Variants in HMCN1 observed in about 807,000 individuals in gnomAD.
The protein encoded by HMCN1 is hemicentin 1, also known as hemicentin-1.
In HMCN1, 321 loss-of-function variants were observed where a neutral mutation model predicts 625.9. The observed-to-expected ratio is 0.51, with a 90% confidence interval of 0.47 to 0.56. The LOEUF (loss-of-function observed/expected upper bound fraction) is 0.56. Among genes scored for constraint, HMCN1 ranks in the 20% least tolerant of loss-of-function variants. The pLI is 0.00. For missense variants in HMCN1, 6,588 were observed against 6,887.3 expected, an observed-to-expected ratio of 0.96 and a Z score of 1.54; for synonymous variants, 2,425 against 2,417.6, an observed-to-expected ratio of 1.00 and a Z score of -0.09.
intron 1 of HMCN1, among the ~76,000 whole-genome samples, chr1:185,753,725 T>A (rs1445900158): frequency 1.3e-5 from 2 of 152,186 alleles, no homozygotes; most frequent in Non-Finnish European, 2.9e-5. Context: ...AAGAATGAGA[T>A]ATCAACTTAC....
At chr1:185,779,290 G>A (rs1240739764) in intron 1 of HMCN1, among the ~76,000 whole-genome samples, 2 of 152,166 alleles carry the variant, frequency 1.3e-5, no homozygotes, top group Non-Finnish European at 2.9e-5. Context: ...CTCCCATTCT[G>A]TAGGTTGCCT....
At chr1:186,029,398 T>G (rs1019594404) in intron 36 of HMCN1, among the ~76,000 whole-genome samples, 4 of 152,186 alleles carry the variant, frequency 2.6e-5, no homozygotes, top group Non-Finnish European at 5.9e-5. Context: ...ATCACACATA[T>G]AATTCACATA....
At chr1:185,971,605 A>G (rs1650839359) in intron 15 of HMCN1, among the ~76,000 whole-genome samples, 2 of 152,220 alleles carry the variant, frequency 1.3e-5, no homozygotes, top group African/African-American at 4.8e-5. Flanking sequence ...CAAAAGTTAG[A>G]ACTGTAAAGA....
rs774426967 is a variant in HMCN1 at position 186,145,866 on chromosome 1, C to T, written c.14551C>T (p.Arg4851Cys). ...CDHPVPVKGG[R>C]PCPGDTTQVT... ...CCATCCTGTGCCAGTTAAAGGTGGC[C>T]GTCCCTGTCCCGGAGACACTACTCA... Residue 4851 changes from arginine (R) to cysteine (C), a missense_variant, in exon 93 of 107, where the codon CGT becomes TGT. Coordinates refer to ENST00000271588, the MANE Select transcript of HMCN1 (RefSeq NM_031935.3). 24 of 1,613,822 alleles carry T rather than the reference C, an allele frequency of 1.5e-5. No homozygotes were observed. The East Asian group carries it at 2.2e-4, about 15-fold the overall frequency.
intron 42 of HMCN1, among the ~76,000 whole-genome samples, chr1:186,050,076 T>G (rs541212657): frequency 5.3e-4 from 81 of 151,664 alleles, no homozygotes; most frequent in African/African-American, 1.8e-3. Context: ...TATTTATATC[T>G]AGTTCATTTA....
At chr1:185,913,682 G>A (rs1429410560) in intron 6 of HMCN1, among the ~76,000 whole-genome samples, 1 of 152,062 alleles carries the variant, frequency 6.6e-6, no homozygotes, top group South Asian at 2.1e-4. Context: ...ATTTGGACTG[G>A]TACCAGTGGT....
At chr1:186,049,950 C>T (rs1656837229) in intron 42 of HMCN1, among the ~76,000 whole-genome samples, 1 of 151,748 alleles carries the variant, frequency 6.6e-6, no homozygotes, top group Admixed American at 6.6e-5. Flanking sequence ...AATTTATATT[C>T]ATTACATACT....
chr1:185,804,978 G>A (rs1659070976), intron 1 of HMCN1, among the ~76,000 whole-genome samples: 1 of 152,068 alleles, frequency 6.6e-6, no homozygotes, highest in Non-Finnish European at 1.5e-5. Flanking sequence ...TAATAGTTTG[G>A]TTAGAAAAAT....
rs1661009692 is a variant in HMCN1, at chr1:186,114,000, GC to G, written c.11158del (p.Gln3720ArgfsTer4). 6.2e-7 allele frequency: 1 copy of G among 1,614,076 alleles called. No individual in the cohort carries two copies. Among genetic ancestry groups the G allele is most frequent in the Non-Finnish European group, 8.5e-7 (1 of 1,179,978 alleles). On this transcript the variant is annotated frameshift_variant, in exon 73 of 107. Transcript: ENST00000271588. LOFTEE classifies it high-confidence loss of function. ...TVNVPPNIKGGPQSLVILLNK... is the reference protein window; with the variant it reads ...TVNVPPNIKGXPQSLVILLNK... ...TCAGTTCCTCCAAACATAAAGGGGGGCCCCCAGAGCCTTGTAATTCTTTTAA... is the reference window on the plus strand; with the variant it reads ...TCAGTTCCTCCAAACATAAAGGGGGGCCCCAGAGCCTTGTAATTCTTTTAA...
At chr1:185,795,685 C>T (rs1160733618) in intron 1 of HMCN1, among the ~76,000 whole-genome samples, 1 of 152,174 alleles carries the variant, frequency 6.6e-6, no homozygotes, top group African/African-American at 2.4e-5. Flanking sequence ...TTTCTAACCT[C>T]CGGAATGCTA....
intron 14 of HMCN1, among the ~76,000 whole-genome samples, chr1:185,969,983 A>C (rs1650695917): frequency 6.6e-6 from 1 of 152,210 alleles, no homozygotes; most frequent in Admixed American, 6.5e-5. Context: ...TGAGTAACCA[A>C]ATGCATCCTG....
chr1:186,112,566 C>A (rs1302300873), intron 71 of HMCN1, among the ~76,000 whole-genome samples: 1 of 152,146 alleles, frequency 6.6e-6, no homozygotes, highest in Non-Finnish European at 1.5e-5. Context: ...GAGTCACCTG[C>A]CCATTCTTGA....
intron 4 of HMCN1, among the ~76,000 whole-genome samples, chr1:185,898,023 C>G (rs961007237): frequency 6.6e-6 from 1 of 152,090 alleles, no homozygotes; most frequent in Non-Finnish European, 1.5e-5. Flanking sequence ...AATAGCAAAA[C>G]TGAATTTTTT....
rs1049279757 is a variant in HMCN1 at position 186,151,622 on chromosome 1, G to T, written c.14775G>T (p.Lys4925Asn). Residue 4925 changes from lysine to asparagine, a missense_variant, in exon 95 of 107, where the codon AAG becomes AAT. By Grantham distance (94) the Lys-to-Asn change is moderately conservative. Around this residue, in one of 3 missense-constraint regions of HMCN1, gnomAD observed 1,954 missense variants for 2,013.1 expected, o/e 0.97. Coordinates refer to ENST00000271588, the MANE Select transcript of HMCN1 (RefSeq NM_031935.3). ...VPRSLGSAMR[K>N]IVSILNPIYW... ...TTTCTTTAGGTTCAGCAATGAGAAA[G>T]ATAGTTTCTATTCTAAATCCCATTT... 10 of 1,612,534 alleles carry T rather than the reference G, an allele frequency of 6.2e-6. No homozygotes were observed. The highest frequency in any genetic ancestry group is 8.5e-6 in the Non-Finnish European group (10 of 1,179,008).
At chr1:185,931,531 AG>A (rs1667548629) in intron 10 of HMCN1, among the ~76,000 whole-genome samples, 2 of 151,714 alleles carry the variant, frequency 1.3e-5, no homozygotes, top group Non-Finnish European at 2.9e-5. Flanking sequence ...GTTAGTAGAA[AG>A]TTGGCATGTA....
At chr1:185,843,160 C>T (rs989369569) in intron 1 of HMCN1, among the ~76,000 whole-genome samples, 4 of 152,168 alleles carry the variant, frequency 2.6e-5, no homozygotes, top group South Asian at 2.1e-4. Flanking sequence ...AACTGAATAA[C>T]GTAGGAATGA....
At chr1:186,124,359 G>C (rs1167877127) in intron 81 of HMCN1, among the ~76,000 whole-genome samples, 1 of 151,934 alleles carries the variant, frequency 6.6e-6, no homozygotes, top group Non-Finnish European at 1.5e-5. Flanking sequence ...TACAGTGTGT[G>C]CTCAAAGCTA....
At chr1:186,087,869 G>A (rs976024488) in intron 60 of HMCN1, 63 bp from the exon 61 acceptor site, 94 of 1,429,922 alleles carry the variant, frequency 6.6e-5, no homozygotes, top group South Asian at 4.0e-4. Flanking sequence ...ATCTAAACTC[G>A]AACAGTATGA....
Position 186,103,655 on chromosome 1 carries a change from T to G in HMCN1, c.10757T>G (p.Ile3586Ser), listed in dbSNP as rs1430331837. ...CTAGGAGGAGGAGAGGTTCTTCGAA[T>G]TTCTACTGCTCAGGTAAGTGTCAAA... is the stretch of plus-strand genomic sequence containing the variant. ...QTLGGGEVLR[I>S]STAQVEDTGR... The change falls in exon 69 of 107, where the codon ATT becomes AGT. Residue 3586 changes from isoleucine (I) to serine (S), a missense_variant. Physicochemically the swap from Ile to Ser is moderately radical, Grantham distance 142. This residue lies in a region of HMCN1 where 4,628 missense variants were observed against 4,853.1 expected (regional missense o/e 0.95). Coordinates refer to ENST00000271588, the MANE Select transcript of HMCN1 (RefSeq NM_031935.3). 4.3e-5 allele frequency: 70 copies of G among 1,613,642 alleles called. No individual in the cohort carries two copies. The highest frequency in any genetic ancestry group is 5.8e-5 in the Non-Finnish European group (69 of 1,179,668).
Sources: allele counts gnomAD v4.1 joint callset (sites outside exome capture counted in the v4.1 genomes callset), GRCh38; gene constraint gnomAD v4.1.1; regional missense constraint gnomAD v4.1.1; transcripts MANE v1.5; gene names NCBI Gene and HGNC (gene_info 2026-07-23, HGNC 2026-07-21).